The following BICD1 variants were observed in gnomAD, a reference collection of about 807,000 sequenced individuals.
The protein encoded by BICD1 is BICD cargo adaptor 1.
BICD1 carries 35 observed loss-of-function variants against 92.5 expected under a neutral mutation model. The ratio of observed to expected loss-of-function variants is 0.38; its 90% CI spans 0.29 to 0.50. The LOEUF (loss-of-function observed/expected upper bound fraction) is 0.50. Among genes scored for constraint, BICD1 ranks in the 20% least tolerant of loss-of-function variants. BICD1 has a pLI of 0.93. For missense variants in BICD1, 950 were observed against 1,189.8 expected (o/e 0.80, Z 2.97); for synonymous variants, 429 against 465.1 (o/e 0.92, Z 1.00).
chr12:32,136,107 CTG>C (rs1463142932), intron 1 of BICD1, among the ~76,000 whole-genome samples: 1 of 152,224 alleles, frequency 6.6e-6, no homozygotes, highest in African/African-American at 2.4e-5. Context: ...CCTGTAAAGA[CTG>C]AGGCAACTAT....
intron 4 of BICD1, among the ~76,000 whole-genome samples, chr12:32,307,462 CA>C (rs770915988): frequency 2.0e-5 from 3 of 152,146 alleles, no homozygotes; most frequent in African/African-American, 4.8e-5. Context: ...CTTATTTATA[CA>C]AATTGTGGAG....
chr12:32,284,242 C>A lies in BICD1; in HGVS notation c.427-9752C>A, dbSNP rs144367309. Among the ~76,000 whole-genome samples, 113 of 152,354 alleles carry A rather than the reference C, an allele frequency of 7.4e-4. No individual in the cohort carries two copies. The East Asian group carries it at 0.016, about 22-fold the overall frequency. ...AAGGCCTGTTCCCACACCCCTCTCT[C>A]CAGCTTTCTCCACCTGGACCAGATC... On this transcript the variant is annotated intron_variant, in intron 2 of 9. Coordinates refer to ENST00000652176, the MANE Select transcript of BICD1 (RefSeq NM_001714.4).
intron 2 of BICD1, among the ~76,000 whole-genome samples, chr12:32,231,277 G>C (rs1203305307): frequency 6.6e-6 from 1 of 152,048 alleles, no homozygotes; most frequent in Admixed American, 6.6e-5. Context: ...AAACCCAAGA[G>C]TTTGAGACCA....
Position 32,328,628 on chromosome 12 carries a change from G to A in BICD1, c.2100+73G>A. On this transcript the variant is annotated intron_variant, in intron 5 of 9. Coordinates refer to ENST00000652176, the MANE Select transcript of BICD1 (RefSeq NM_001714.4). This position sits in a 1 kb window ranked among gnomAD's most constrained non-coding sequence, Gnocchi z 4.4. ...CTAATTTATTCCCTAATTTTATTGAGTATCGAGTATCGTCAAGATGAGAGT... is the reference window on the plus strand; with the variant it reads ...CTAATTTATTCCCTAATTTTATTGAATATCGAGTATCGTCAAGATGAGAGT... 1 of 1,522,010 alleles carries A rather than the reference G, an allele frequency of 6.6e-7. No homozygotes were observed. Among genetic ancestry groups the A allele is most frequent in the Non-Finnish European group, 8.8e-7 (1 of 1,133,942 alleles). The allele number at this position is 1,522,010 out of a possible 1,614,324, so 94.3% of individuals were successfully genotyped here.
At chr12:32,266,203 A>G (rs941276450) in intron 2 of BICD1, among the ~76,000 whole-genome samples, 1 of 152,190 alleles carries the variant, frequency 6.6e-6, no homozygotes, top group African/African-American at 2.4e-5. Flanking sequence ...ACCTGCAGCA[A>G]TGGTGGAAGG....
intron 1 of BICD1, among the ~76,000 whole-genome samples, chr12:32,141,518 G>A (rs1565542683): frequency 6.6e-6 from 1 of 152,254 alleles, no homozygotes; most frequent in South Asian, 2.1e-4. Context: ...CTGTCGCCCA[G>A]GCTGGAGTGC....
At chr12:32,339,777 T>C (rs1362531767) in intron 8 of BICD1, 2 of 985,302 alleles carry the variant, frequency 2.0e-6, no homozygotes, top group Non-Finnish European at 2.4e-6. Flanking sequence ...GCAGCTGTTA[T>C]TTGACTATTG....
intron 1 of BICD1, among the ~76,000 whole-genome samples, chr12:32,140,037 C>T (rs538680045): frequency 1.3e-5 from 2 of 152,246 alleles, no homozygotes; most frequent in African/African-American, 4.8e-5. Flanking sequence ...TAGTGGATTC[C>T]CTTGCTGTGC....
rs949864242 is a variant in BICD1 at position 32,328,199 on chromosome 12, G to T, written c.1744G>T (p.Ala582Ser). ...VETRTSSEPVAKESTEASKEP... is the reference protein window; with the variant it reads ...VETRTSSEPVSKESTEASKEP... ...AACAAGGACCTCATCTGAACCAGTT[G>T]CAAAAGAAAGCACAGAGGCCAGCAA... The change falls in exon 5 of 10, where the codon GCA (alanine) becomes TCA (serine). Residue 582 changes from alanine to serine, a missense_variant. Transcript: ENST00000652176. The surrounding 1 kb of genome is among the most constrained non-coding windows in gnomAD (Gnocchi z 4.4). 6.2e-7 allele frequency: 1 copy of T among 1,614,006 alleles called. No individual in the cohort carries two copies. Among genetic ancestry groups the T allele is most frequent in the African/African-American group, 1.3e-5 (1 of 74,922 alleles).
At chr12:32,250,987 C>CA (rs1156284051) in intron 2 of BICD1, among the ~76,000 whole-genome samples, 2 of 151,322 alleles carry the variant, frequency 1.3e-5, no homozygotes, top group African/African-American at 2.4e-5. Flanking sequence ...GACCCTGTAT[C>CA]AAAAAAAAGA....
At chr12:32,272,003 T>G (rs1053599741) in intron 2 of BICD1, among the ~76,000 whole-genome samples, 1 of 152,158 alleles carries the variant, frequency 6.6e-6, no homozygotes, top group South Asian at 2.1e-4. Flanking sequence ...GGCCTCAGTT[T>G]ACCCATTATT....
intron 1 of BICD1, among the ~76,000 whole-genome samples, chr12:32,166,142 A>ATTT (rs1555140629): frequency 1.4e-5 from 2 of 145,994 alleles, no homozygotes; most frequent in Admixed American, 6.9e-5. Flanking sequence ...TTATTTATTT[A>ATTT]TTTATTTTTT....
At chr12:32,267,840 G>A (rs890887758) in intron 2 of BICD1, among the ~76,000 whole-genome samples, 2 of 152,124 alleles carry the variant, frequency 1.3e-5, no homozygotes, top group Non-Finnish European at 2.9e-5. Context: ...GTCTAACTCT[G>A]TTGCCCAGGC....
At position 32,381,349 on chromosome 12, in the gene BICD1, T is replaced by C. The variant is rs1430107830; in HGVS notation, c.*3722T>C. ...AAATAGAAGGTATGCAATCCCTTAG[T>C]GGGGGGCAAACACATTTCAGATTTC... On this transcript the variant is annotated 3_prime_UTR_variant, in exon 10 of 10. Coordinates refer to ENST00000652176, the MANE Select transcript of BICD1 (RefSeq NM_001714.4). The C allele has an allele frequency of 6.6e-6, 1 of 152,038 alleles. No homozygotes were observed. Among genetic ancestry groups the C allele is most frequent in the African/African-American group, 2.4e-5 (1 of 41,440 alleles). The allele number at this position is 152,038 out of a possible 1,614,324, so 9.4% of individuals were successfully genotyped here. A position where few individuals can be genotyped will look rare whatever the true frequency, so the allele number is the denominator to read the frequency against.
chr12:32,327,925 G>T lies in BICD1; in HGVS notation c.1470G>T (p.Met490Ile). ...ACATGGAGAAGGAGTTGCAAAAGAT[G>T]ACCAGCATAGCCAACGAAAATCACA... Reference protein sequence around the residue: ...MAHMEKELQKMTSIANENHST... With the variant: ...MAHMEKELQKITSIANENHST... Residue 490 changes from methionine to isoleucine, a missense_variant, in exon 5 of 10, where the codon ATG (methionine) becomes ATT (isoleucine). Physicochemically the swap from Met to Ile is conservative, Grantham distance 10. Transcript: ENST00000652176. The T allele has an allele frequency of 6.2e-7, 1 of 1,614,112 alleles. No individual in the cohort carries two copies. Among genetic ancestry groups the T allele is most frequent in the South Asian group, 1.1e-5 (1 of 91,062 alleles).
chr12:32,154,689 T>C (rs528372803), intron 1 of BICD1, among the ~76,000 whole-genome samples: 3 of 152,364 alleles, frequency 2.0e-5, no homozygotes, highest in South Asian at 4.1e-4. Context: ...TGTTCTCTTA[T>C]CTCTACTGCT....
chr12:32,198,502 A>G (rs1479842340), intron 1 of BICD1, among the ~76,000 whole-genome samples: 1 of 150,292 alleles, frequency 6.7e-6, no homozygotes, highest in Non-Finnish European at 1.5e-5. Context: ...CCTGCTTTGT[A>G]GCTGAGTGTT....
chr12:32,107,352 G>A lies in BICD1; in HGVS notation c.21G>A (p.Leu7=), dbSNP rs746200655. 6.2e-7 allele frequency: 1 copy of A among 1,606,686 alleles called. No individual in the cohort carries two copies. The highest frequency in any genetic ancestry group is 1.1e-5 in the South Asian group (1 of 89,206). MAAEEV[L]QTVDHYKTEI... is the part of the protein sequence containing the mutation. ...GGGCTATGGCCGCAGAAGAGGTATT[G>A]CAGACGGTGGACCATTATAAGACTG... is the stretch of plus-strand genomic sequence containing the variant. Residue 7 remains leucine, a synonymous_variant, in exon 1 of 10, where the codon TTG becomes TTA. Coordinates refer to ENST00000652176, the MANE Select transcript of BICD1 (RefSeq NM_001714.4).
chr12:32,264,216 G>A (rs562130187), intron 2 of BICD1, among the ~76,000 whole-genome samples: 2 of 152,106 alleles, frequency 1.3e-5, no homozygotes, highest in East Asian at 1.9e-4. Context: ...TTGCATGTAC[G>A]GATTCAATAA....
Sources: gnomAD v4.1 joint callset for allele counts (sites outside exome capture counted in the v4.1 genomes callset) on GRCh38, gnomAD v4.1.1 for gene constraint, Gnocchi (gnomAD v3.1) non-coding constraint, MANE v1.5 for transcripts, NCBI Gene and HGNC (gene_info 2026-07-23, HGNC 2026-07-21) for gene names.